SYNJ2BP: variants seen among roughly 807,000 people sequenced by gnomAD.
SYNJ2BP encodes the protein synaptojanin 2 binding protein.
SYNJ2BP carries 10 observed loss-of-function variants against 16.9 expected under a neutral mutation model. The ratio of observed to expected loss-of-function variants is 0.59; its 90% CI spans 0.36 to 1.00. The LOEUF (loss-of-function observed/expected upper bound fraction) is 1.00. Ranked by LOEUF, SYNJ2BP falls within the 50% of genes least tolerant of loss-of-function variation. The pLI is 0.01. For missense variants in SYNJ2BP, 162 were observed against 186.7 expected (o/e 0.87, Z 0.77); for synonymous variants, 54 against 68.4 (o/e 0.79, Z 1.04).
intron 1 of SYNJ2BP, among the ~76,000 whole-genome samples, chr14:70,401,616 T>C (rs905264328): frequency 8.0e-5 from 12 of 150,580 alleles, no homozygotes; most frequent in African/African-American, 1.2e-4. Flanking sequence ...GCTGGCATAA[T>C]TTTTGCTGAG....
chr14:70,401,631 A>G (rs1351920518), intron 1 of SYNJ2BP, among the ~76,000 whole-genome samples: 3 of 151,492 alleles, frequency 2.0e-5, no homozygotes, highest in Non-Finnish European at 4.4e-5. Flanking sequence ...GCTGAGAAAA[A>G]TATAAAACTT....
chr14:70,403,572 C>A (rs1203174004), intron 1 of SYNJ2BP, among the ~76,000 whole-genome samples: 3 of 152,166 alleles, frequency 2.0e-5, no homozygotes. Context: ...CTCACTGCTA[C>A]ACTCCCACCA....
chr14:70,398,074 T>A (rs1888146054), intron 1 of SYNJ2BP, among the ~76,000 whole-genome samples: 1 of 66,800 alleles, frequency 1.5e-5, no homozygotes. Flanking sequence ...TGTAGGCAGG[T>A]CATCTCAACA....
Position 70,371,875 on chromosome 14 carries a change from T to G in SYNJ2BP, c.*1116A>C, listed in dbSNP as rs1887525500. ...CCTTATCTTTTGTCCTTTTAGAGTTTTCTTGCTGGGGTGTTTGGCTCCAGC... is the reference window on the plus strand; with the variant it reads ...CCTTATCTTTTGTCCTTTTAGAGTTGTCTTGCTGGGGTGTTTGGCTCCAGC... On this transcript the variant is annotated 3_prime_UTR_variant, in exon 4 of 4. Transcript: ENST00000256366. 6.6e-6 allele frequency: 1 copy of G among 152,202 alleles called. No homozygotes were observed. The highest frequency in any genetic ancestry group is 1.5e-5 in the Non-Finnish European group (1 of 68,028). 9.4% of individuals were successfully genotyped at this position (152,202 alleles called of 1,614,324 possible).
intron 2 of SYNJ2BP, among the ~76,000 whole-genome samples, chr14:70,387,448 A>T (rs1179362261): frequency 2.0e-5 from 3 of 152,174 alleles, no homozygotes; most frequent in South Asian, 2.1e-4. Flanking sequence ...GCCCATATTT[A>T]TCAGTCAACC....
chr14:70,389,376 T>C (rs1294447464), intron 1 of SYNJ2BP, among the ~76,000 whole-genome samples: 1 of 101,146 alleles, frequency 9.9e-6, no homozygotes, highest in African/African-American at 2.9e-5. Flanking sequence ...AGAGTTTCTT[T>C]TTTTTTTTTT....
intron 1 of SYNJ2BP, among the ~76,000 whole-genome samples, chr14:70,393,932 C>A (rs1888033212): frequency 7.1e-6 from 1 of 141,288 alleles, no homozygotes. Flanking sequence ...AACAAACCTG[C>A]ACGTTCAGCA....
Position 70,373,042 on chromosome 14 carries a change from G to A in SYNJ2BP, c.387C>T (p.Ala129=), listed in dbSNP as rs757162113. The change falls in exon 4 of 4, where the codon GCC becomes GCT. Residue 129 remains alanine, a synonymous_variant. Coordinates refer to ENST00000256366, the MANE Select transcript of SYNJ2BP (RefSeq NM_018373.3). ...PIFMVLVPVF[A]LTMVAAWAFM... Reference sequence around the variant, plus strand: ...AAGCCCAGGCTGCTACCATGGTGAGGGCAAACACTGGCACCAGCACCATAA... The same window carrying A: ...AAGCCCAGGCTGCTACCATGGTGAGAGCAAACACTGGCACCAGCACCATAA... The A allele has an allele frequency of 4.2e-5, 67 of 1,613,934 alleles. No individual in the cohort carries two copies. The highest frequency in any genetic ancestry group is 5.0e-5 in the Non-Finnish European group (59 of 1,180,028).
chr14:70,386,595 G>C (rs544375889), intron 2 of SYNJ2BP, among the ~76,000 whole-genome samples: 4 of 152,296 alleles, frequency 2.6e-5, no homozygotes, highest in African/African-American at 4.8e-5. Context: ...TGCTGAGCCT[G>C]ATCACTCAAA....
At chr14:70,391,010 C>T (rs963824096) in intron 1 of SYNJ2BP, among the ~76,000 whole-genome samples, 11 of 151,756 alleles carry the variant, frequency 7.2e-5, no homozygotes, top group African/African-American at 2.2e-4. Flanking sequence ...TGGCACATGA[C>T]CAACATTGGG....
At chr14:70,375,839 T>C (rs934686811) in intron 2 of SYNJ2BP, 68 bp from the exon 3 acceptor site, 102 of 1,586,636 alleles carry the variant, frequency 6.4e-5, no homozygotes, top group Non-Finnish European at 8.6e-5. Flanking sequence ...TATTTTCAAA[T>C]GGCCAAACTT....
chr14:70,386,262 G>C (rs1887856570), intron 2 of SYNJ2BP, among the ~76,000 whole-genome samples: 1 of 152,104 alleles, frequency 6.6e-6, no homozygotes, highest in African/African-American at 2.4e-5. Context: ...TCTTTCCTTG[G>C]GAGCTAAAGG....
intron 1 of SYNJ2BP, 135 bp downstream of exon 1, chr14:70,416,765 C>T (rs1263890838): frequency 7.6e-7 from 1 of 1,322,762 alleles, no homozygotes; most frequent in African/African-American, 1.5e-5. Context: ...CTCTAAGCAC[C>T]CCGAAGCGTT....
intron 1 of SYNJ2BP, among the ~76,000 whole-genome samples, chr14:70,389,323 T>G (rs1365055525): frequency 1.3e-5 from 2 of 152,078 alleles, no homozygotes; most frequent in East Asian, 3.8e-4. Flanking sequence ...CTCCCAAGCT[T>G]CTGGAGAATT....
In SYNJ2BP at chr14:70,369,911, C is replaced by T. The variant is rs8010913; in HGVS notation, c.*3080G>A. ...ATTTAGGTAGTAGGAACATTAGATG[C>T]AATCTATAGAAGAAATATTAGACTC... is the stretch of plus-strand genomic sequence containing the variant. On this transcript the variant is annotated 3_prime_UTR_variant, in exon 4 of 4. Transcript: ENST00000256366. The T allele has an allele frequency of 8.1e-3, 1,240 of 152,244 alleles. 11 individuals are homozygous for T. Among genetic ancestry groups the T allele is most frequent in the African/African-American group, 0.028 (1,178 of 41,530 alleles). 9.4% of individuals were successfully genotyped at this position (152,244 alleles called of 1,614,324 possible).
intron 1 of SYNJ2BP, among the ~76,000 whole-genome samples, chr14:70,412,086 C>T (rs1245286727): frequency 1.3e-5 from 2 of 152,180 alleles, no homozygotes; most frequent in African/African-American, 4.8e-5. Context: ...AATGATAGAA[C>T]TTAATGGGGC....
intron 1 of SYNJ2BP, among the ~76,000 whole-genome samples, chr14:70,393,915 C>T (rs980731743): frequency 1.3e-5 from 2 of 149,494 alleles, no homozygotes; most frequent in Admixed American, 6.7e-5. Context: ...CACATGTATA[C>T]CTATGTAACA....
At position 70,373,121 on chromosome 14, in the gene SYNJ2BP, T is replaced by G. The variant is rs772561688; in HGVS notation, c.308A>C (p.Gln103Pro). 1.2e-6 allele frequency: 2 copies of G among 1,613,674 alleles called. No individual in the cohort carries two copies. Among genetic ancestry groups the G allele is most frequent in the Non-Finnish European group, 1.7e-6 (2 of 1,179,912 alleles). Reference sequence around the variant, plus strand: ...ACCTCGATGTCCTATAGGTCCATTCTGCACCTGTAACTGGAAGGGAAAGAA... The same window carrying G: ...ACCTCGATGTCCTATAGGTCCATTCGGCACCTGTAACTGGAAGGGAAAGAA... ...SLRVQHRLQV[Q>P]NGPIGHRGEG... Residue 103 changes from glutamine to proline, a missense_variant, in exon 4 of 4, where the codon CAG becomes CCG. Physicochemically the swap from Gln to Pro is moderately conservative, Grantham distance 76. Transcript: ENST00000256366.
At chr14:70,416,520 T>C (rs1432724774) in intron 1 of SYNJ2BP, among the ~76,000 whole-genome samples, 1 of 152,130 alleles carries the variant, frequency 6.6e-6, no homozygotes, top group African/African-American at 2.4e-5. Context: ...ACACCGTTTA[T>C]GCTCCCATTT....
Sources: gnomAD v4.1 joint callset for allele counts (sites outside exome capture counted in the v4.1 genomes callset) on GRCh38, gnomAD v4.1.1 for gene constraint, MANE v1.5 for transcripts, NCBI Gene and HGNC (gene_info 2026-07-23, HGNC 2026-07-21) for gene names.